PRKAR2A: variants seen among roughly 807,000 people sequenced by gnomAD.
PRKAR2A encodes the protein protein kinase cAMP-dependent type II regulatory subunit alpha.
In PRKAR2A, 29 loss-of-function variants were observed where a neutral mutation model predicts 51.9. That is an observed-to-expected ratio of 0.56 (90% confidence interval 0.42 to 0.76). The LOEUF is 0.76. PRKAR2A is among the 30% of genes least tolerant of loss of function. PRKAR2A has a pLI of 0.00. For synonymous variants in PRKAR2A, 178 were observed against 186.2 expected, an observed-to-expected ratio of 0.96 and a Z score of 0.36; for missense variants, 445 against 512.1, an observed-to-expected ratio of 0.87 and a Z score of 1.26.
rs1157038034 is a variant in PRKAR2A at position 48,747,487 on chromosome 3, CT to C, written c.*4097del. On this transcript the variant is annotated 3_prime_UTR_variant, in exon 11 of 11. Transcript: ENST00000265563. ...CGGGCAATCAGAGGATAAACATAAC[CT>C]CTCCTGGCTGGAGAACCATTTCTTG... 2.0e-5 allele frequency: 3 copies of C among 152,166 alleles called. No individual in the cohort carries two copies. Among genetic ancestry groups the C allele is most frequent in the Non-Finnish European group, 2.9e-5 (2 of 68,038 alleles). The allele number at this position is 152,166 out of a possible 1,614,324, so 9.4% of individuals were successfully genotyped here. A position where few individuals can be genotyped will look rare whatever the true frequency, so the allele number is the denominator to read the frequency against.
chr3:48,762,506 G>A (rs1010771149), intron 8 of PRKAR2A, among the ~76,000 whole-genome samples: 2 of 152,134 alleles, frequency 1.3e-5, no homozygotes, highest in Non-Finnish European at 2.9e-5. Context: ...AGAGTGACAC[G>A]TGCCTCTGGT....
At chr3:48,823,797 A>G (rs976542906) in intron 1 of PRKAR2A, among the ~76,000 whole-genome samples, 1 of 151,640 alleles carries the variant, frequency 6.6e-6, no homozygotes, top group Non-Finnish European at 1.5e-5. Flanking sequence ...AAAAAAAAAA[A>G]AAAAAGAAAA....
At chr3:48,813,831 AG>A (rs1422265833) in intron 1 of PRKAR2A, among the ~76,000 whole-genome samples, 1 of 152,174 alleles carries the variant, frequency 6.6e-6, no homozygotes, top group African/African-American at 2.4e-5. Flanking sequence ...AAGATAAAGG[AG>A]GAAAGTGGGG....
Position 48,847,509 on chromosome 3 carries a change from C to T in PRKAR2A, c.88G>A (p.Val30Ile), listed in dbSNP as rs987570661. 3.9e-5 allele frequency: 60 copies of T among 1,557,576 alleles called. No homozygotes were observed. The highest frequency in any genetic ancestry group is 5.1e-5 in the Non-Finnish European group (59 of 1,151,756). Residue 30 changes from valine (V) to isoleucine (I), a missense_variant, in exon 1 of 11, where the codon GTC (valine) becomes ATC (isoleucine). Physicochemically the swap from Val to Ile is conservative, Grantham distance 29. Coordinates refer to ENST00000265563, the MANE Select transcript of PRKAR2A (RefSeq NM_004157.4). The surrounding 1 kb of genome is among the most constrained non-coding windows in gnomAD (Gnocchi z 4.4). ...EVLRQQPPDL[V>I]EFAVEYFTRL... ...GTGAAGTACTCCACTGCGAATTCGA[C>T]GAGGTCAGGCGGCTGCTGTCGCAGC...
chr3:48,846,490 T>A (rs2083464996), intron 1 of PRKAR2A, among the ~76,000 whole-genome samples: 2 of 152,176 alleles, frequency 1.3e-5, no homozygotes, highest in Non-Finnish European at 1.5e-5. Flanking sequence ...GTGCTGGGAC[T>A]ACAGGCGTGA....
rs1245381632 is a variant in PRKAR2A, at chr3:48,749,090, C to T, written c.*2495G>A. 6.6e-6 allele frequency: 1 copy of T among 152,152 alleles called. No homozygotes were observed. 9.4% of individuals were successfully genotyped at this position (152,152 alleles called of 1,614,324 possible). ...TGACTGTGTGGGCCATCATTATCTA[C>T]AATAGAAATGACTCAAGCCCTAGCA... On this transcript the variant is annotated 3_prime_UTR_variant, in exon 11 of 11. Transcript: ENST00000265563.
chr3:48,788,306 G>A (rs1442413569), intron 4 of PRKAR2A, among the ~76,000 whole-genome samples: 1 of 152,132 alleles, frequency 6.6e-6, no homozygotes, highest in Non-Finnish European at 1.5e-5. Flanking sequence ...TGGAATTACA[G>A]GTGTGAGCCA....
At chr3:48,829,257 G>A (rs186048996) in intron 1 of PRKAR2A, among the ~76,000 whole-genome samples, 2 of 151,696 alleles carry the variant, frequency 1.3e-5, no homozygotes, top group East Asian at 2.0e-4. Flanking sequence ...AGAGGCTCAC[G>A]CCTGTAATCC....
chr3:48,844,297 A>T (rs2083425132), intron 1 of PRKAR2A, among the ~76,000 whole-genome samples: 1 of 151,958 alleles, frequency 6.6e-6, no homozygotes, highest in South Asian at 2.1e-4. Flanking sequence ...ATACCATCTC[A>T]CACCAGTTAG....
intron 1 of PRKAR2A, among the ~76,000 whole-genome samples, chr3:48,840,951 C>T (rs1174829189): frequency 4.2e-5 from 6 of 143,282 alleles, no homozygotes; most frequent in African/African-American, 1.0e-4. Flanking sequence ...GCGTGATCTC[C>T]GCTCACTGAA....
At chr3:48,759,607 GA>G (rs2081833343) in intron 8 of PRKAR2A, among the ~76,000 whole-genome samples, 1 of 152,034 alleles carries the variant, frequency 6.6e-6, no homozygotes, top group South Asian at 2.1e-4. Flanking sequence ...GGCTGGTCTC[GA>G]ACCCCCAACC....
chr3:48,800,315 C>A (rs1013785536), intron 2 of PRKAR2A, among the ~76,000 whole-genome samples: 1 of 151,232 alleles, frequency 6.6e-6, no homozygotes, highest in African/African-American at 2.4e-5. Flanking sequence ...GAGTTCAAGA[C>A]CAGCCTGGCC....
At chr3:48,790,002 A>C (rs1399087240) in intron 4 of PRKAR2A, among the ~76,000 whole-genome samples, 1 of 149,868 alleles carries the variant, frequency 6.7e-6, no homozygotes, top group Non-Finnish European at 1.5e-5. Flanking sequence ...GAAGAATTTT[A>C]TGGCTTATTT....
intron 2 of PRKAR2A, among the ~76,000 whole-genome samples, chr3:48,794,717 G>A (rs1054815209): frequency 1.3e-5 from 2 of 151,892 alleles, no homozygotes; most frequent in Non-Finnish European, 2.9e-5. Context: ...AAGAGGGTAA[G>A]TTGTGGGAGA....
intron 5 of PRKAR2A, among the ~76,000 whole-genome samples, chr3:48,781,437 G>T (rs574860503): frequency 1.8e-4 from 27 of 151,482 alleles, no homozygotes; most frequent in African/African-American, 6.3e-4. Flanking sequence ...CACCTCCCAG[G>T]TTCAAGCAAC....
At chr3:48,824,542 T>TAGA (rs1209508386) in intron 1 of PRKAR2A, among the ~76,000 whole-genome samples, 2 of 123,978 alleles carry the variant, frequency 1.6e-5, no homozygotes, top group African/African-American at 6.1e-5. Flanking sequence ...TCCAAAATCA[T>TAGA]AAGAAAGAAA....
In PRKAR2A at chr3:48,753,762, C is replaced by T. The variant is rs559516398; in HGVS notation, c.940-1445G>A. ...ACCACCCATCCCCAATATCCCAGTGCCATGCTGCTGCTGATCTTATGCACC... is the reference window on the plus strand; with the variant it reads ...ACCACCCATCCCCAATATCCCAGTGTCATGCTGCTGCTGATCTTATGCACC... On this transcript the variant is annotated intron_variant, in intron 9 of 10. Transcript: ENST00000265563. Among the ~76,000 whole-genome samples, 4 of 152,324 alleles carry T rather than the reference C, an allele frequency of 2.6e-5. No individual in the cohort carries two copies. The South Asian group carries it at 8.3e-4, about 32-fold the overall frequency.
intron 4 of PRKAR2A, among the ~76,000 whole-genome samples, chr3:48,789,607 C>T (rs756556405): frequency 7.8e-4 from 118 of 151,688 alleles, no homozygotes; most frequent in Admixed American, 3.1e-3. Context: ...TCTCCTGCCT[C>T]GGCCTCCTGA....
intron 1 of PRKAR2A, among the ~76,000 whole-genome samples, chr3:48,838,284 G>A (rs1204088155): frequency 6.6e-6 from 1 of 151,966 alleles, no homozygotes; most frequent in African/African-American, 2.4e-5. Context: ...AGGGATGAGG[G>A]GAATGAGGGT....
Sources: gnomAD v4.1 joint callset for allele counts (sites outside exome capture counted in the v4.1 genomes callset) on GRCh38, gnomAD v4.1.1 for gene constraint, Gnocchi (gnomAD v3.1) non-coding constraint, MANE v1.5 for transcripts, NCBI Gene and HGNC (gene_info 2026-07-23, HGNC 2026-07-21) for gene names.